The following ATP11C variants were observed in gnomAD, a reference collection of about 807,000 sequenced individuals.
The protein encoded by ATP11C is phospholipid-transporting ATPase IG.
ATP11C carries 36 observed loss-of-function variants against 97.4 expected under a neutral mutation model. That is an observed-to-expected ratio of 0.37 (90% CI 0.28 to 0.49). The LOEUF (loss-of-function observed/expected upper bound fraction) is 0.49, where lower values mean the gene tolerates loss of function less well. ATP11C is among the 20% of genes least tolerant of loss of function. The pLI is 0.98. For missense variants in ATP11C, 730 were observed against 824.6 expected, an observed-to-expected ratio of 0.89 and a Z score of 1.40; for synonymous variants, 275 against 290.9, an observed-to-expected ratio of 0.95 and a Z score of 0.56.
intron 1 of ATP11C, among the ~76,000 whole-genome samples, chrX:139,890,809 A>G (rs1434297301): frequency 1.8e-5 from 2 of 111,232 alleles, no homozygotes; most frequent in African/African-American, 3.3e-5. Context: ...GGAGTACGCC[A>G]TAACAGAAGA....
intron 2 of ATP11C, among the ~76,000 whole-genome samples, chrX:139,820,769 A>T (rs1026996154): frequency 9.0e-6 from 1 of 111,719 alleles, no homozygotes. Context: ...AAGCTCAGGG[A>T]CTGAATCACT....
intron 12 of ATP11C, among the ~76,000 whole-genome samples, chrX:139,793,807 C>T (rs151024146): frequency 0.028 from 3,107 of 111,786 alleles, 91 homozygotes; most frequent in African/African-American, 0.093. Context: ...CACTGCCCCA[C>T]ATCTTTTCTG....
At chrX:139,780,261 A>G (rs2148711789) in intron 18 of ATP11C, among the ~76,000 whole-genome samples, 1 of 111,442 alleles carries the variant, frequency 9.0e-6, no homozygotes, top group African/African-American at 3.3e-5. Context: ...AGAAAACTAT[A>G]GGCCATTATT....
chrX:139,757,885 A>C lies in ATP11C; in HGVS notation c.2641-18T>G. ...CAAAGGTTCTGAAAAAAAAAAATTAAGACAAGGATTAACATTTTCACTTAA... is the reference window on the plus strand; with the variant it reads ...CAAAGGTTCTGAAAAAAAAAAATTACGACAAGGATTAACATTTTCACTTAA... On this transcript the variant is annotated intron_variant, in intron 22 of 29. Coordinates refer to ENST00000682941, the MANE Select transcript of ATP11C (RefSeq NM_001353812.2). 9.0e-7 allele frequency: 1 copy of C among 1,106,502 alleles called. No individual in the cohort carries two copies. The highest frequency in any genetic ancestry group is 1.2e-6 in the Non-Finnish European group (1 of 814,883). 91.2% of individuals were successfully genotyped at this position (1,106,502 alleles called of 1,213,427 possible).
intron 11 of ATP11C, among the ~76,000 whole-genome samples, 180 bp from the exon 12 acceptor site, chrX:139,796,650 C>A (rs902740371): frequency 1.8e-5 from 2 of 112,084 alleles, no homozygotes; most frequent in Admixed American, 1.9e-4. Context: ...TATGTGAGAA[C>A]ATTTAAGAAC....
At chrX:139,877,697 T>C (rs905866773) in intron 1 of ATP11C, among the ~76,000 whole-genome samples, 1 of 112,554 alleles carries the variant, frequency 8.9e-6, no homozygotes, top group African/African-American at 3.2e-5. Context: ...TACTGAGAAC[T>C]ATTATCTTTC....
chrX:139,935,893 G>A (rs2085513795), upstream of ATP11C, among the ~76,000 whole-genome samples: 1 of 110,628 alleles, frequency 9.0e-6, no homozygotes, highest in Non-Finnish European at 1.9e-5. Context: ...GGGATCGGGA[G>A]GCTGAGGCAG....
intron 1 of ATP11C, among the ~76,000 whole-genome samples, chrX:139,849,773 T>G (rs2083961251): frequency 8.9e-6 from 1 of 112,732 alleles, no homozygotes; most frequent in Admixed American, 9.4e-5. Context: ...TATTAAGAGA[T>G]AGGACCGGAA....
Position 139,750,042 on chromosome X carries a change from T to A in ATP11C, c.2811A>T (p.Ser937=). 1 of 1,203,759 alleles carries A rather than the reference T, an allele frequency of 8.3e-7. No homozygotes were observed. Among genetic ancestry groups the A allele is most frequent in the South Asian group, 1.8e-5 (1 of 55,680 alleles). The change falls in exon 24 of 30, where the codon TCA becomes TCT. Residue 937 remains serine (S), a synonymous_variant. Transcript: ENST00000682941. ...TAACTTACATATACAATCGGGGATCTGAGGTCAGAGTGTCAATGTTGATGT... is the reference window on the plus strand; with the variant it reads ...TAACTTACATATACAATCGGGGATCAGAGGTCAGAGTGTCAATGTTGATGT... The part of the protein sequence containing the change: ...EQHINIDTLT[S]DPRLYMKISG...
intron 1 of ATP11C, among the ~76,000 whole-genome samples, chrX:139,838,825 G>A (rs2147920036): frequency 9.0e-6 from 1 of 111,249 alleles, no homozygotes; most frequent in South Asian, 3.9e-4. Flanking sequence ...GCAGATGCCT[G>A]TAATCCCAGC....
At chrX:139,858,579 TAAC>T (rs1323265390) in intron 1 of ATP11C, among the ~76,000 whole-genome samples, 1 of 112,169 alleles carries the variant, frequency 8.9e-6, no homozygotes, top group African/African-American at 3.2e-5. Context: ...ATAAGAATAA[TAAC>T]AACCACTGAC....
rs760892745 is a variant in ATP11C, at chrX:139,785,268, C to T, written c.1624G>A (p.Ala542Thr). Residue 542 changes from alanine (A) to threonine (T), a missense_variant, in exon 16 of 30, where the codon GCT becomes ACT. Physicochemically the swap from Ala to Thr is moderately conservative, Grantham distance 58 (BLOSUM62 0). Coordinates refer to ENST00000682941, the MANE Select transcript of ATP11C (RefSeq NM_001353812.2). The part of the protein sequence containing the change: ...YELLHTLNFD[A>T]VRRRMSVIVK... ...ATTACACTCATACGTCGCCGGACAG[C>T]ATCAAAGTTTAAGGTGTGAAGAAGT... 3 of 1,207,234 alleles carry T rather than the reference C, an allele frequency of 2.5e-6. No individual in the cohort carries two copies. Among genetic ancestry groups the T allele is most frequent in the African/African-American group, 3.5e-5 (2 of 57,121 alleles).
rs1421827248 is a variant in ATP11C, at chrX:139,875,867, C to T, written c.28-49044G>A. On this transcript the variant is annotated intron_variant, in intron 1 of 29. Coordinates refer to ENST00000682941, the MANE Select transcript of ATP11C (RefSeq NM_001353812.2). The stretch of plus-strand genomic sequence containing the variant: ...ATGAATTGCCCAAATCACATACCTT[C>T]TTAGGAGTAGAGCAGGATACAGGAG... Among the ~76,000 whole-genome samples the T allele has an allele frequency of 9.8e-5, 11 of 111,714 alleles. No individual in the cohort carries two copies. In the Admixed American group the frequency reaches 1.0e-3, roughly 11 times the overall value.
chrX:139,925,585 C>T (rs1295952905), intron 1 of ATP11C, among the ~76,000 whole-genome samples: 3 of 109,093 alleles, frequency 2.7e-5, no homozygotes, highest in African/African-American at 1.0e-4. Flanking sequence ...ATTAATTGAA[C>T]ATCTACTGTT....
At chrX:139,736,675 G>A (rs192792824) in intron 28 of ATP11C, among the ~76,000 whole-genome samples, 30 of 111,394 alleles carry the variant, frequency 2.7e-4, no homozygotes, top group African/African-American at 9.4e-4. Context: ...CACCAGACTA[G>A]AGTAAAGCAG....
At chrX:139,850,942 C>G (rs2147952587) in intron 1 of ATP11C, among the ~76,000 whole-genome samples, 1 of 111,509 alleles carries the variant, frequency 9.0e-6, no homozygotes, top group South Asian at 3.8e-4. Flanking sequence ...AAAAGCACAA[C>G]AGAAAGATTT....
intron 28 of ATP11C, among the ~76,000 whole-genome samples, chrX:139,736,147 T>A (rs974608587): frequency 9.0e-6 from 1 of 110,808 alleles, no homozygotes; most frequent in Non-Finnish European, 1.9e-5. Flanking sequence ...CTCCGTACTT[T>A]CAACAGAAGT....
chrX:139,926,240 T>C (rs745789606), intron 1 of ATP11C, among the ~76,000 whole-genome samples: 2 of 111,480 alleles, frequency 1.8e-5, no homozygotes, highest in African/African-American at 3.3e-5. Flanking sequence ...GGGTTCCAGA[T>C]GTAAAAGGTT....
chrX:139,736,048 C>A (rs2148615105), intron 28 of ATP11C, among the ~76,000 whole-genome samples: 1 of 111,943 alleles, frequency 8.9e-6, no homozygotes, highest in Admixed American at 9.5e-5. Flanking sequence ...TAGAATTCTT[C>A]CTACGCTGGA....
Sources: allele counts gnomAD v4.1 joint callset (sites outside exome capture counted in the v4.1 genomes callset), GRCh38; gene constraint gnomAD v4.1.1; transcripts MANE v1.5; gene names NCBI Gene and HGNC (gene_info 2026-07-23, HGNC 2026-07-21).